PRKG2: variants seen among roughly 807,000 people sequenced by gnomAD.
PRKG2 encodes cGMP-dependent protein kinase 2.
PRKG2 carries 33 observed loss-of-function variants against 97.2 expected under a neutral mutation model. That is an observed-to-expected ratio of 0.34 (90% CI 0.26 to 0.45). The LOEUF (loss-of-function observed/expected upper bound fraction) is 0.45. Among genes scored for constraint, PRKG2 ranks in the 20% least tolerant of loss-of-function variants. The pLI, the probability that PRKG2 is intolerant of heterozygous loss-of-function variation, is 1.00. For missense variants in PRKG2, 638 were observed against 900.0 expected (o/e 0.71, Z 3.73); for synonymous variants, 330 against 321.8 (o/e 1.03, Z -0.27).
Position 81,135,019 on chromosome 4 carries a change from G to A in PRKG2, c.1776+136C>T, listed in dbSNP as rs377570330. 2.2e-4 allele frequency: 166 copies of A among 755,920 alleles called. 1 individual carries two copies. In the South Asian group the frequency reaches 4.1e-3, roughly 18 times the overall value. 46.8% of individuals were successfully genotyped at this position (755,920 alleles called of 1,614,324 possible). ...TCATAACATTGCTCCCAGTATTGTCGGGAAATGTCAAAGGCCATACTGCCA... is the reference window on the plus strand; with the variant it reads ...TCATAACATTGCTCCCAGTATTGTCAGGAAATGTCAAAGGCCATACTGCCA... On this transcript the variant is annotated intron_variant, in intron 14 of 18. Transcript: ENST00000264399.
At chr4:81,177,455 C>G (rs1751029875) in intron 2 of PRKG2, among the ~76,000 whole-genome samples, 1 of 152,122 alleles carries the variant, frequency 6.6e-6, no homozygotes, top group Admixed American at 6.5e-5. Flanking sequence ...CCTGTAATCC[C>G]AGCACTTTGG....
chr4:81,100,327 C>CA (rs547040019), intron 17 of PRKG2, among the ~76,000 whole-genome samples: 326 of 152,274 alleles, frequency 2.1e-3, no homozygotes, highest in African/African-American at 6.4e-3. Flanking sequence ...TACAAGGCTA[C>CA]AGTAACAAAA....
chr4:81,160,810 G>A (rs1749541463), intron 6 of PRKG2, among the ~76,000 whole-genome samples: 1 of 151,866 alleles, frequency 6.6e-6, no homozygotes, highest in South Asian at 2.1e-4. Flanking sequence ...AAATTCTTGA[G>A]GAGGGAAAAG....
At position 81,184,553 on chromosome 4, in the gene PRKG2, C is replaced by T. The variant is rs144060632; in HGVS notation, c.462-9594G>A. On this transcript the variant is annotated intron_variant, in intron 2 of 18. Coordinates refer to ENST00000264399, the MANE Select transcript of PRKG2 (RefSeq NM_006259.3). ...ATGAGGAAAAACCAGTACAAAAAGG[C>T]TGAAAATTCCAAAAACCAGAATGCC... Among the ~76,000 whole-genome samples, 1,521 of 152,258 alleles carry T rather than the reference C, an allele frequency of 1.0e-2. 24 individuals are homozygous for T. Among genetic ancestry groups the T allele is most frequent in the African/African-American group, 0.034 (1,426 of 41,542 alleles).
intron 6 of PRKG2, among the ~76,000 whole-genome samples, chr4:81,156,245 C>A (rs1749081061): frequency 6.6e-6 from 1 of 151,892 alleles, no homozygotes; most frequent in African/African-American, 2.4e-5. Context: ...ATCTACCAAG[C>A]AAATGGAAAA....
At chr4:81,169,545 C>T (rs2110081172) in intron 5 of PRKG2, 118 bp downstream of exon 5, 1 of 734,822 alleles carries the variant, frequency 1.4e-6, no homozygotes, top group South Asian at 1.7e-5. Flanking sequence ...TTGGTTTAGT[C>T]ATGTGGAAAA....
intron 2 of PRKG2, among the ~76,000 whole-genome samples, chr4:81,182,324 T>C (rs1050857270): frequency 1.3e-5 from 2 of 151,956 alleles, no homozygotes; most frequent in South Asian, 2.1e-4. Flanking sequence ...GAAAGAGTAT[T>C]TGGTAAAATT....
At chr4:81,122,715 AT>A (rs1449190177) in intron 14 of PRKG2, among the ~76,000 whole-genome samples, 6 of 152,236 alleles carry the variant, frequency 3.9e-5, no homozygotes, top group Admixed American at 1.3e-4. Context: ...CCTCATAGAT[AT>A]TGCCAAGAAT....
At chr4:81,176,662 G>C (rs1750956745) in intron 2 of PRKG2, among the ~76,000 whole-genome samples, 1 of 152,140 alleles carries the variant, frequency 6.6e-6, no homozygotes, top group African/African-American at 2.4e-5. Flanking sequence ...AAGCAAAAGT[G>C]TGCTAAGTTT....
At chr4:81,206,339 T>C (rs948060492) in intron 1 of PRKG2, among the ~76,000 whole-genome samples, 1 of 152,168 alleles carries the variant, frequency 6.6e-6, no homozygotes, top group Admixed American at 6.5e-5. Context: ...AGGGACCCAA[T>C]GGGAGCTAAC....
intron 14 of PRKG2, among the ~76,000 whole-genome samples, chr4:81,134,132 G>A (rs911887968): frequency 6.6e-6 from 1 of 152,026 alleles, no homozygotes; most frequent in Non-Finnish European, 1.5e-5. Context: ...TCACATGAAA[G>A]GGCTTTTATT....
At chr4:81,119,745 G>A (rs1239780264) in intron 14 of PRKG2, among the ~76,000 whole-genome samples, 1 of 151,532 alleles carries the variant, frequency 6.6e-6, no homozygotes, top group Non-Finnish European at 1.5e-5. Context: ...TGAGATCTCG[G>A]CTCACTGCAA....
chr4:81,140,038 A>T (rs968492542), intron 12 of PRKG2, among the ~76,000 whole-genome samples: 6 of 152,164 alleles, frequency 3.9e-5, no homozygotes, highest in Admixed American at 3.9e-4. Context: ...TATGTGAAAT[A>T]AGCCAGACAG....
intron 18 of PRKG2, among the ~76,000 whole-genome samples, chr4:81,090,960 T>C (rs1392023674): frequency 6.6e-6 from 1 of 152,244 alleles, no homozygotes; most frequent in African/African-American, 2.4e-5. Context: ...ATAATATATT[T>C]ATGCCATTTG....
intron 15 of PRKG2, among the ~76,000 whole-genome samples, chr4:81,107,723 G>A (rs966695898): frequency 1.2e-4 from 19 of 152,052 alleles, no homozygotes; most frequent in African/African-American, 4.6e-4. Flanking sequence ...ATGTTGGCCA[G>A]GATGGTCTCA....
At chr4:81,098,668 G>A (rs1742377268) in intron 17 of PRKG2, among the ~76,000 whole-genome samples, 1 of 152,148 alleles carries the variant, frequency 6.6e-6, no homozygotes, top group Admixed American at 6.6e-5. Context: ...TAGAGGGAGA[G>A]ATGGGAAAAT....
chr4:81,209,208 C>T (rs1303701032), intron 1 of PRKG2, among the ~76,000 whole-genome samples: 1 of 152,184 alleles, frequency 6.6e-6, no homozygotes, highest in East Asian at 1.9e-4. Context: ...TGTGAAGGCG[C>T]TTGCAGGCGG....
At position 81,087,890 on chromosome 4, in the gene PRKG2, C is replaced by T. The variant is rs977380997; in HGVS notation, c.*1818G>A. 1 of 152,048 alleles carries T rather than the reference C, an allele frequency of 6.6e-6. No individual in the cohort carries two copies. The highest frequency in any genetic ancestry group is 2.4e-5 in the African/African-American group (1 of 41,406). The allele number at this position is 152,048 out of a possible 1,614,324, so 9.4% of individuals were successfully genotyped here. A position where few individuals can be genotyped will look rare whatever the true frequency, so the allele number is the denominator to read the frequency against. ...TATATATGTAGGGTTTTAAAAATTA[C>T]AACTATTGATCTGCTTTGAGAATAT... On this transcript the variant is annotated 3_prime_UTR_variant, in exon 19 of 19. Transcript: ENST00000264399.
chr4:81,108,177 C>T (rs1229329922), intron 15 of PRKG2, among the ~76,000 whole-genome samples: 4 of 152,040 alleles, frequency 2.6e-5, no homozygotes, highest in Non-Finnish European at 5.9e-5. Flanking sequence ...TGCACTCCAG[C>T]CTGGGCAACA....
Sources: allele counts gnomAD v4.1 joint callset (sites outside exome capture counted in the v4.1 genomes callset), GRCh38; gene constraint gnomAD v4.1.1; transcripts MANE v1.5; gene names NCBI Gene and HGNC (gene_info 2026-07-23, HGNC 2026-07-21).